Variants in PCDH9 observed in about 807,000 individuals in gnomAD.
The protein encoded by PCDH9 is protocadherin 9, also known as protocadherin-9.
In PCDH9, 24 loss-of-function variants were observed where a neutral mutation model predicts 70.6. That is an observed-to-expected ratio of 0.34 (90% CI 0.25 to 0.48). The LOEUF (loss-of-function observed/expected upper bound fraction) is 0.48. Ranked by LOEUF, PCDH9 falls within the 20% of genes least tolerant of loss-of-function variation. The probability of loss-of-function intolerance (pLI) is 0.99; values close to 1 mark genes in which losing one functional copy is unlikely to be tolerated. For missense variants in PCDH9, 1,281 were observed against 1,503.6 expected, an observed-to-expected ratio of 0.85 and a Z score of 2.45; for synonymous variants, 562 against 558.5, an observed-to-expected ratio of 1.01 and a Z score of -0.09.
At chr13:66,538,494 T>A (rs981460529) in intron 4 of PCDH9, among the ~76,000 whole-genome samples, 5 of 152,106 alleles carry the variant, frequency 3.3e-5, no homozygotes, top group Admixed American at 2.0e-4. Flanking sequence ...ACAGGACATA[T>A]ATACATAGTG....
chr13:66,981,852 A>G (rs145619854), intron 2 of PCDH9, among the ~76,000 whole-genome samples: 245 of 152,356 alleles, frequency 1.6e-3, no homozygotes, highest in African/African-American at 5.6e-3. Context: ...CCTAAAATTT[A>G]TCACACAGGT....
chr13:66,711,001 C>A (rs974154069), intron 3 of PCDH9, among the ~76,000 whole-genome samples: 6 of 152,098 alleles, frequency 3.9e-5, no homozygotes, highest in Non-Finnish European at 8.8e-5. Flanking sequence ...TAGTCCATTT[C>A]CAATGTAAAA....
chr13:66,541,688 C>T (rs1320550207), intron 4 of PCDH9, among the ~76,000 whole-genome samples: 1 of 152,092 alleles, frequency 6.6e-6, no homozygotes, highest in Non-Finnish European at 1.5e-5. Context: ...CCCAGTGTAA[C>T]CTCATCTTAA....
intron 2 of PCDH9, among the ~76,000 whole-genome samples, chr13:67,164,983 G>A (rs2088070351): frequency 6.6e-6 from 1 of 152,172 alleles, no homozygotes; most frequent in African/African-American, 2.4e-5. Flanking sequence ...AGCCCCAGCA[G>A]GGGAGAGAAC....
intron 3 of PCDH9, among the ~76,000 whole-genome samples, chr13:66,794,790 A>T (rs970628671): frequency 6.6e-6 from 1 of 152,068 alleles, no homozygotes; most frequent in African/African-American, 2.4e-5. Flanking sequence ...ACAATATAAG[A>T]TCTTTTGCTC....
chr13:67,034,300 T>C (rs2084966952), intron 2 of PCDH9, among the ~76,000 whole-genome samples: 1 of 152,138 alleles, frequency 6.6e-6, no homozygotes, highest in African/African-American at 2.4e-5. Flanking sequence ...CGTTTTAATA[T>C]TTATAAATAA....
intron 2 of PCDH9, among the ~76,000 whole-genome samples, chr13:66,982,954 GA>G (rs1287047299): frequency 4.6e-5 from 7 of 152,186 alleles, no homozygotes; most frequent in Admixed American, 2.6e-4. Flanking sequence ...TGTTATTAGA[GA>G]AAAAATGTAG....
chr13:66,555,409 A>G (rs1279830382), intron 4 of PCDH9, among the ~76,000 whole-genome samples: 2 of 63,158 alleles, frequency 3.2e-5, no homozygotes, highest in African/African-American at 4.3e-5. Context: ...AATAGTGGCT[A>G]CATTCTGGGG....
rs1420536978 is a variant in PCDH9, at chr13:66,303,871, A to C, written c.*784T>G. On this transcript the variant is annotated 3_prime_UTR_variant, in exon 5 of 5. Coordinates refer to ENST00000377865, the MANE Select transcript of PCDH9 (RefSeq NM_203487.3). ...TCTTTATTGTTTACAGAATTCCGGC[A>C]TCATAAGCTATCATATGAGAAGCAA... The C allele has an allele frequency of 6.6e-6, 1 of 152,098 alleles. No homozygotes were observed. The highest frequency in any genetic ancestry group is 1.5e-5 in the Non-Finnish European group (1 of 67,986). The allele number at this position is 152,098 out of a possible 1,614,324, so 9.4% of individuals were successfully genotyped here. A position where few individuals can be genotyped will look rare whatever the true frequency, so the allele number is the denominator to read the frequency against.
chr13:67,171,937 T>C (rs1015021134), intron 2 of PCDH9, among the ~76,000 whole-genome samples: 6 of 152,204 alleles, frequency 3.9e-5, no homozygotes, highest in African/African-American at 1.4e-4. Context: ...TTACATCGCC[T>C]GCTCTCAAAG....
intron 4 of PCDH9, among the ~76,000 whole-genome samples, chr13:66,625,999 GA>G (rs1462979079): frequency 3.3e-5 from 5 of 152,138 alleles, no homozygotes; most frequent in African/African-American, 1.2e-4. Flanking sequence ...ATTAGATGAG[GA>G]TGAGATAGGA....
intron 3 of PCDH9, among the ~76,000 whole-genome samples, chr13:66,675,248 C>T (rs975577624): frequency 6.6e-5 from 10 of 152,026 alleles, no homozygotes; most frequent in African/African-American, 2.4e-4. Flanking sequence ...GTTATGTGTT[C>T]CTTTCAGAAG....
intron 3 of PCDH9, among the ~76,000 whole-genome samples, chr13:66,750,470 T>C (rs1379011181): frequency 6.6e-6 from 1 of 152,074 alleles, no homozygotes; most frequent in Non-Finnish European, 1.5e-5. Flanking sequence ...GCCTAAAATG[T>C]GAAGTGAAAC....
Position 67,227,637 on chromosome 13 carries a change from A to G in PCDH9, c.804T>C (p.Gly268=). Residue 268 remains glycine (G), a synonymous_variant, in exon 2 of 5, where the codon GGT becomes GGC. Coordinates refer to ENST00000377865, the MANE Select transcript of PCDH9 (RefSeq NM_203487.3). The surrounding 1 kb of genome is among the most constrained non-coding windows in gnomAD (Gnocchi z 4.6). The part of the protein sequence containing the change: ...EVHIPENAPV[G]TSVIQLHATD... ...TGGCATGGAGCTGAATTACAGAGGTACCTACGGGAGCATTCTCTGGAATAT... is the reference window on the plus strand; with the variant it reads ...TGGCATGGAGCTGAATTACAGAGGTGCCTACGGGAGCATTCTCTGGAATAT... 6.2e-7 allele frequency: 1 copy of G among 1,613,330 alleles called. No homozygotes were observed. Among genetic ancestry groups the G allele is most frequent in the Non-Finnish European group, 8.5e-7 (1 of 1,179,252 alleles).
chr13:66,368,826 C>T (rs1405486388), intron 4 of PCDH9, among the ~76,000 whole-genome samples: 1 of 152,012 alleles, frequency 6.6e-6, no homozygotes, highest in East Asian at 1.9e-4. Flanking sequence ...ACATGGATGG[C>T]AGCAGGCAAA....
At chr13:66,709,091 GGT>G (rs1214051625) in intron 3 of PCDH9, among the ~76,000 whole-genome samples, 1 of 152,092 alleles carries the variant, frequency 6.6e-6, no homozygotes, top group Non-Finnish European at 1.5e-5. Context: ...GAGATATGCT[GGT>G]AGAAAACACG....
At chr13:66,500,716 A>G (rs552251001) in intron 4 of PCDH9, among the ~76,000 whole-genome samples, 2 of 152,272 alleles carry the variant, frequency 1.3e-5, no homozygotes, top group African/African-American at 2.4e-5. Flanking sequence ...AAGAAAGCCT[A>G]CGGTATATTC....
chr13:66,379,651 A>G (rs554569149), intron 4 of PCDH9, among the ~76,000 whole-genome samples: 203 of 152,288 alleles, frequency 1.3e-3, no homozygotes, highest in African/African-American at 4.6e-3. Flanking sequence ...CAGGGTATCT[A>G]TAGTGCTGTA....
At chr13:66,665,345 G>A (rs1045167663) in intron 3 of PCDH9, among the ~76,000 whole-genome samples, 4 of 151,984 alleles carry the variant, frequency 2.6e-5, no homozygotes, top group South Asian at 4.1e-4. Flanking sequence ...GTGATCCACC[G>A]CCTCGGCCTC....
Sources: gnomAD v4.1 joint callset for allele counts (sites outside exome capture counted in the v4.1 genomes callset) on GRCh38, gnomAD v4.1.1 for gene constraint, Gnocchi (gnomAD v3.1) non-coding constraint, MANE v1.5 for transcripts, NCBI Gene and HGNC (gene_info 2026-07-23, HGNC 2026-07-21) for gene names.